INTU: variants seen among roughly 807,000 people sequenced by gnomAD.
The protein encoded by INTU is protein inturned.
A neutral mutation model predicts 100.5 loss-of-function variants in INTU; 68 were observed. The observed-to-expected ratio is 0.68, with a 90% confidence interval of 0.56 to 0.83. The LOEUF is 0.83. Ranked by LOEUF, INTU falls within the 40% of genes least tolerant of loss-of-function variation. INTU has a pLI of 0.00. For synonymous variants in INTU, 357 were observed against 395.7 expected, an observed-to-expected ratio of 0.90 and a Z score of 1.16; for missense variants, 1,071 against 1,114.7, an observed-to-expected ratio of 0.96 and a Z score of 0.56.
chr4:127,686,998 C>T (rs1437560161), intron 7 of INTU: 2 of 152,116 alleles, frequency 1.3e-5, no homozygotes, highest in Non-Finnish European at 1.5e-5. Context: ...CCAAGTATTT[C>T]GGTTTTTTCT....
chr4:127,668,552 T>C (rs1193553383), intron 4 of INTU, among the ~76,000 whole-genome samples: 2 of 151,832 alleles, frequency 1.3e-5, no homozygotes, highest in Non-Finnish European at 2.9e-5. Flanking sequence ...TTGGATTTAA[T>C]GATTTCACCA....
chr4:127,637,711 A>C (rs1727133193), intron 1 of INTU, among the ~76,000 whole-genome samples: 1 of 152,150 alleles, frequency 6.6e-6, no homozygotes, highest in Admixed American at 6.5e-5. Flanking sequence ...AAGTACAGTA[A>C]AGTCCTATCA....
In INTU at chr4:127,726,098, T is replaced by G. The variant is rs537235983; in HGVS notation, c.*9662T>G. On this transcript the variant is annotated 3_prime_UTR_variant, in exon 16 of 16. Coordinates refer to ENST00000335251, the MANE Select transcript of INTU (RefSeq NM_015693.4). Reference sequence around the variant, plus strand: ...ATTTTTTAAAATATCAAATACTGTCTCATTATCATATGTTTAGCCCCCCCA... The same window carrying G: ...ATTTTTTAAAATATCAAATACTGTCGCATTATCATATGTTTAGCCCCCCCA... 290 of 152,300 alleles carry G rather than the reference T, an allele frequency of 1.9e-3. 2 individuals carry two copies. The highest frequency in any genetic ancestry group is 6.5e-3 in the African/African-American group (272 of 41,566). 9.4% of individuals were successfully genotyped at this position (152,300 alleles called of 1,614,324 possible).
At chr4:127,673,854 C>T (rs867295390) in intron 5 of INTU, among the ~76,000 whole-genome samples, 4 of 151,842 alleles carry the variant, frequency 2.6e-5, no homozygotes, top group South Asian at 2.1e-4. Flanking sequence ...GCCTTGGTCT[C>T]CCAAAGTGCT....
chr4:127,695,727 T>C (rs539012611), intron 8 of INTU, among the ~76,000 whole-genome samples: 2 of 152,200 alleles, frequency 1.3e-5, no homozygotes, highest in Non-Finnish European at 2.9e-5. Flanking sequence ...GGCCTCCCAC[T>C]GTGATGTTGA....
At position 127,690,976 on chromosome 4, in the gene INTU, A is replaced by G. The variant is rs182966500; in HGVS notation, c.1449+3109A>G. Among the ~76,000 whole-genome samples, 308 of 152,236 alleles carry G rather than the reference A, an allele frequency of 2.0e-3. 1 individual carries two copies. Among genetic ancestry groups the G allele is most frequent in the African/African-American group, 6.9e-3 (286 of 41,562 alleles). The stretch of plus-strand genomic sequence containing the variant: ...TCATACAGAGTAGTTTCACAGCCCC[A>G]GAAATCCTCTGTGTTCTGCCTATCC... On this transcript the variant is annotated intron_variant, in intron 8 of 15. Transcript: ENST00000335251.
intron 9 of INTU, among the ~76,000 whole-genome samples, chr4:127,702,263 A>C (rs1730680981): frequency 6.6e-6 from 1 of 152,154 alleles, no homozygotes; most frequent in African/African-American, 2.4e-5. Context: ...AAATGGTACA[A>C]CTACTTTGGA....
At chr4:127,637,411 C>T (rs1481112848) in intron 1 of INTU, among the ~76,000 whole-genome samples, 3 of 152,170 alleles carry the variant, frequency 2.0e-5, no homozygotes, top group Non-Finnish European at 2.9e-5. Context: ...TATTGATCTC[C>T]CTGTTCATTA....
At chr4:127,672,357 A>C (rs187600299) in intron 5 of INTU, among the ~76,000 whole-genome samples, 1 of 152,180 alleles carries the variant, frequency 6.6e-6, no homozygotes, top group Non-Finnish European at 1.5e-5. Flanking sequence ...GAATGGAATC[A>C]TATAATGTGT....
chr4:127,666,060 A>G (rs558164324), intron 4 of INTU, among the ~76,000 whole-genome samples: 3 of 152,176 alleles, frequency 2.0e-5, no homozygotes, highest in African/African-American at 7.2e-5. Flanking sequence ...TGCCTTTTCT[A>G]GTGTTTGTTC....
chr4:127,668,884 A>G, intron 4 of INTU, 152 bp from the exon 5 acceptor site: 1 of 473,014 alleles, frequency 2.1e-6, no homozygotes, highest in Non-Finnish European at 3.8e-6. Context: ...TTAAAATTCC[A>G]AGCATAGTTC....
chr4:127,660,618 T>C (rs1728433669), intron 3 of INTU, among the ~76,000 whole-genome samples: 1 of 152,162 alleles, frequency 6.6e-6, no homozygotes, highest in South Asian at 2.1e-4. Flanking sequence ...AGACATTGCT[T>C]TTTAAATAGG....
At chr4:127,681,514 A>G (rs1457797809) in intron 6 of INTU, among the ~76,000 whole-genome samples, 1 of 152,208 alleles carries the variant, frequency 6.6e-6, no homozygotes, top group African/African-American at 2.4e-5. Flanking sequence ...AGGATTCCCT[A>G]TTTAATAAAT....
intron 2 of INTU, among the ~76,000 whole-genome samples, chr4:127,646,787 T>C (rs1184529456): frequency 1.3e-5 from 2 of 152,084 alleles, no homozygotes; most frequent in Non-Finnish European, 2.9e-5. Flanking sequence ...TCTAGTTTGG[T>C]GCCCACATAT....
Position 127,709,514 on chromosome 4 carries a change from G to A in INTU, c.2369+846G>A, listed in dbSNP as rs1397768443. On this transcript the variant is annotated intron_variant, in intron 13 of 15. Transcript: ENST00000335251. Reference sequence around the variant, plus strand: ...AAAAGAAACTGAGTGAGGAGAGAATGTTTAGCAACTTAAACTGTCTGTAAT... The same window carrying A: ...AAAAGAAACTGAGTGAGGAGAGAATATTTAGCAACTTAAACTGTCTGTAAT... Among the ~76,000 whole-genome samples the A allele has an allele frequency of 2.0e-5, 3 of 152,172 alleles. No individual in the cohort carries two copies. The South Asian group carries it at 6.2e-4, about 32-fold the overall frequency.
intron 7 of INTU, 132 bp from the exon 8 acceptor site, chr4:127,687,546 A>G (rs1729879834): frequency 1.5e-6 from 1 of 678,138 alleles, no homozygotes; most frequent in Non-Finnish European, 2.5e-6. Context: ...TCTAGCAGCA[A>G]TTCTATTGAA....
At position 127,720,164 on chromosome 4, in the gene INTU, A is replaced by T. The variant is rs1022372859; in HGVS notation, c.*3728A>T. 2 of 152,130 alleles carry T rather than the reference A, an allele frequency of 1.3e-5. No individual in the cohort carries two copies. Among genetic ancestry groups the T allele is most frequent in the African/African-American group, 4.8e-5 (2 of 41,436 alleles). The allele number at this position is 152,130 out of a possible 1,614,324, so 9.4% of individuals were successfully genotyped here. A position where few individuals can be genotyped will look rare whatever the true frequency, so the allele number is the denominator to read the frequency against. On this transcript the variant is annotated 3_prime_UTR_variant, in exon 16 of 16. Coordinates refer to ENST00000335251, the MANE Select transcript of INTU (RefSeq NM_015693.4). ...ACACTGCTTTAGCTATGCCCCAGAG[A>T]TTCTGGTACATTGTCTCTTTGTTTT... is the stretch of plus-strand genomic sequence containing the variant.
chr4:127,633,527 T>G (rs968379402), intron 1 of INTU, among the ~76,000 whole-genome samples: 2 of 152,208 alleles, frequency 1.3e-5, no homozygotes, highest in African/African-American at 4.8e-5. Context: ...GTGTCTTGAT[T>G]CTTTGGTGTG....
At chr4:127,645,195 T>C (rs976077392) in intron 2 of INTU, among the ~76,000 whole-genome samples, 3 of 152,206 alleles carry the variant, frequency 2.0e-5, no homozygotes, top group African/African-American at 7.2e-5. Context: ...AGAGTTGTGC[T>C]CTGTGTCATT....
Sources: allele counts gnomAD v4.1 joint callset (sites outside exome capture counted in the v4.1 genomes callset), GRCh38; gene constraint gnomAD v4.1.1; transcripts MANE v1.5; gene names NCBI Gene and HGNC (gene_info 2026-07-23, HGNC 2026-07-21).